ANKRD11: variants seen among roughly 807,000 people sequenced by gnomAD.
ANKRD11 encodes ankyrin repeat domain 11.
Under a neutral mutation model 195.7 loss-of-function variants are expected in ANKRD11, and 17 were observed. The ratio of observed to expected loss-of-function variants is 0.09; its 90% CI spans 0.06 to 0.13. The LOEUF is 0.13. Ranked by LOEUF, ANKRD11 falls within the 10% of genes least tolerant of loss-of-function variation. ANKRD11 has a pLI of 1.00. For missense variants in ANKRD11, 3,735 were observed against 3,566.1 expected, an observed-to-expected ratio of 1.05 and a Z score of -1.21; for synonymous variants, 1,953 against 1,528.1, an observed-to-expected ratio of 1.28 and a Z score of -6.49.
At chr16:89,401,133 G>C (rs1004964220) in intron 2 of ANKRD11, among the ~76,000 whole-genome samples, 1 of 124,834 alleles carries the variant, frequency 8.0e-6, no homozygotes, top group Non-Finnish European at 1.5e-5. Flanking sequence ...TTGTTCTGCT[G>C]CTCAGGCTGG....
Position 89,281,580 on chromosome 16 carries a change from G to C in ANKRD11, c.4962C>G (p.Leu1654=), listed in dbSNP as rs565890803. ...CAGGTGGAATAGGAGTCGACTCTTT[G>C]AGCTTTTTGTCTTTAAATGGAGGGT... ...GLDPPFKDKK[L]KESTPIPPAA... Residue 1654 remains leucine (L), a synonymous_variant, in exon 9 of 13, where the codon CTC becomes CTG. Transcript: ENST00000301030. The surrounding 1 kb of genome is among the most constrained non-coding windows in gnomAD (Gnocchi z 5.5). 1.9e-6 allele frequency: 3 copies of C among 1,614,188 alleles called. No homozygotes were observed. Among genetic ancestry groups the C allele is most frequent in the Admixed American group, 1.7e-5 (1 of 60,026 alleles).
At chr16:89,395,927 C>T (rs900650606) in intron 2 of ANKRD11, 6 of 152,200 alleles carry the variant, frequency 3.9e-5, no homozygotes, top group African/African-American at 1.4e-4. Context: ...CATGACAAAA[C>T]AAGTATGCAC....
intron 2 of ANKRD11, among the ~76,000 whole-genome samples, chr16:89,381,814 T>G (rs1016530247): frequency 1.3e-5 from 2 of 152,032 alleles, no homozygotes; most frequent in African/African-American, 4.8e-5. Flanking sequence ...CCCACGCGAA[T>G]GGGGGGAAGA....
intron 1 of ANKRD11, among the ~76,000 whole-genome samples, chr16:89,482,783 A>G (rs1416423293): frequency 6.6e-6 from 1 of 152,022 alleles, no homozygotes; most frequent in Non-Finnish European, 1.5e-5. Flanking sequence ...CAGAGCCGAG[A>G]CTCTCCAAAA....
chr16:89,484,940 G>C (rs1447689705), intron 1 of ANKRD11, among the ~76,000 whole-genome samples: 1 of 152,088 alleles, frequency 6.6e-6, no homozygotes, highest in African/African-American at 2.4e-5. Flanking sequence ...CCTGGAAACA[G>C]GTCTCACCCT....
In ANKRD11 at chr16:89,284,349, A is replaced by G; in HGVS notation, c.2193T>C (p.Ser731=). The change falls in exon 9 of 13, where the codon TCT becomes TCC. Residue 731 remains serine, a synonymous_variant. Transcript: ENST00000301030. ...IKDTNKDISR[S]FREEKDRSNK... is the part of the protein sequence containing the mutation. The stretch of plus-strand genomic sequence containing the variant: ...TCGAACGGTCTTTCTCTTCTCGGAA[A>G]GACCTGCTGATGTCTTTGTTTGTGT... The G allele has an allele frequency of 6.2e-7, 1 of 1,613,826 alleles. No homozygotes were observed. The highest frequency in any genetic ancestry group is 8.5e-7 in the Non-Finnish European group (1 of 1,179,994).
intron 2 of ANKRD11, among the ~76,000 whole-genome samples, chr16:89,321,416 CTGTGGGGCGGGGCCTGCAGGGCAGGG>C (rs945319570): frequency 4.5e-4 from 46 of 101,120 alleles, no homozygotes; most frequent in South Asian, 1.1e-3. Flanking sequence ...GGGGAGGGGA[CTGTGGGGCGGGGCCTGCAGGGCAGGG>C]TGTGGGGCGG....
intron 2 of ANKRD11, among the ~76,000 whole-genome samples, chr16:89,326,985 G>T (rs887174143): frequency 2.6e-5 from 4 of 151,916 alleles, no homozygotes; most frequent in Non-Finnish European, 5.9e-5. Flanking sequence ...ACTGGGCAAT[G>T]CAGAGGTGGG....
chr16:89,383,360 G>A (rs1022711293), intron 2 of ANKRD11, among the ~76,000 whole-genome samples: 13 of 152,200 alleles, frequency 8.5e-5, no homozygotes, highest in African/African-American at 2.9e-4. Flanking sequence ...CCATACCAAC[G>A]CTGACCTCCT....
At chr16:89,380,250 T>G (rs1436181794) in intron 2 of ANKRD11, among the ~76,000 whole-genome samples, 1 of 152,166 alleles carries the variant, frequency 6.6e-6, no homozygotes, top group Non-Finnish European at 1.5e-5. Context: ...GTAGTTGGTA[T>G]TACAGGCATG....
intron 1 of ANKRD11, among the ~76,000 whole-genome samples, chr16:89,476,896 G>A (rs1211366616): frequency 6.6e-6 from 1 of 152,096 alleles, no homozygotes; most frequent in Non-Finnish European, 1.5e-5. Flanking sequence ...TCACAGTATC[G>A]CGTAACACAC....
chr16:89,322,490 A>T (rs944233638), intron 2 of ANKRD11, among the ~76,000 whole-genome samples: 1 of 152,256 alleles, frequency 6.6e-6, no homozygotes, highest in Non-Finnish European at 1.5e-5. Context: ...TCACGCAGGC[A>T]CGTGGCCTCA....
chr16:89,461,729 C>T (rs1408496009), intron 1 of ANKRD11, among the ~76,000 whole-genome samples: 1 of 152,330 alleles, frequency 6.6e-6, no homozygotes, highest in South Asian at 2.1e-4. Flanking sequence ...TACCTAAATT[C>T]TCTGAACTTC....
chr16:89,487,038 A>C lies in ANKRD11; in HGVS notation c.-145+3207T>G, dbSNP rs1041469113. ...AAAAAAAAAAGAAAAAAACAATTTCAAATTAAGAGAACACACACTGAAAAC... is the reference window on the plus strand; with the variant it reads ...AAAAAAAAAAGAAAAAAACAATTTCCAATTAAGAGAACACACACTGAAAAC... On this transcript the variant is annotated intron_variant, in intron 1 of 12. Coordinates refer to ENST00000301030, the MANE Select transcript of ANKRD11 (RefSeq NM_013275.6). Among the ~76,000 whole-genome samples the C allele has an allele frequency of 2.0e-5, 3 of 152,206 alleles. No individual in the cohort carries two copies. In the East Asian group the frequency reaches 5.8e-4, roughly 29 times the overall value.
chr16:89,428,169 C>A (rs546068449), intron 1 of ANKRD11, among the ~76,000 whole-genome samples: 56 of 151,872 alleles, frequency 3.7e-4, no homozygotes, highest in East Asian at 7.8e-4. Flanking sequence ...GATCGTGCCA[C>A]TGCACTACAG....
At chr16:89,358,805 C>T (rs1166073841) in intron 2 of ANKRD11, among the ~76,000 whole-genome samples, 3 of 152,064 alleles carry the variant, frequency 2.0e-5, no homozygotes, top group African/African-American at 7.2e-5. Flanking sequence ...TCTCACATTT[C>T]AGTTATAGTT....
chr16:89,419,335 C>A (rs971690378), intron 1 of ANKRD11, among the ~76,000 whole-genome samples: 8 of 151,854 alleles, frequency 5.3e-5, no homozygotes, highest in Non-Finnish European at 2.9e-5. Context: ...TACCTGTAAC[C>A]CCAACTACTT....
intron 2 of ANKRD11, among the ~76,000 whole-genome samples, chr16:89,395,261 A>G (rs2041375862): frequency 6.6e-6 from 1 of 152,234 alleles, no homozygotes; most frequent in African/African-American, 2.4e-5. Flanking sequence ...GCCCCAGGGA[A>G]GGGCTGCGTA....
At chr16:89,419,900 G>C (rs1257051254) in intron 1 of ANKRD11, among the ~76,000 whole-genome samples, 1 of 152,022 alleles carries the variant, frequency 6.6e-6, no homozygotes, top group Non-Finnish European at 1.5e-5. Context: ...TGTGATGGGT[G>C]CGCTGGCTCA....
Sources: allele counts gnomAD v4.1 joint callset (sites outside exome capture counted in the v4.1 genomes callset), GRCh38; gene constraint gnomAD v4.1.1; non-coding constraint Gnocchi (gnomAD v3.1); transcripts MANE v1.5; gene names NCBI Gene and HGNC (gene_info 2026-07-23, HGNC 2026-07-21).